NRXN3: variants seen among roughly 807,000 people sequenced by gnomAD.
NRXN3 encodes neurexin III.
A neutral mutation model predicts 137.6 loss-of-function variants in NRXN3; 32 were observed. The observed-to-expected ratio is 0.23, with a 90% confidence interval of 0.18 to 0.31. The LOEUF (loss-of-function observed/expected upper bound fraction) is 0.31, where lower values mean the gene tolerates loss of function less well. NRXN3 is among the 10% of genes least tolerant of loss of function. The probability of loss-of-function intolerance (pLI) is 1.00; values close to 1 mark genes in which losing one functional copy is unlikely to be tolerated. For missense variants in NRXN3, 1,574 were observed against 2,062.5 expected (o/e 0.76, Z 4.59); for synonymous variants, 798 against 784.5 (o/e 1.02, Z -0.29).
intron 15 of NRXN3, among the ~76,000 whole-genome samples, chr14:79,021,479 C>A (rs538497102): frequency 3.8e-4 from 58 of 152,232 alleles, no homozygotes; most frequent in African/African-American, 1.3e-3. Flanking sequence ...ATGGTCTCTT[C>A]AAAAAATCCA....
intron 15 of NRXN3, among the ~76,000 whole-genome samples, chr14:79,423,817 G>A (rs549559029): frequency 6.2e-4 from 94 of 152,348 alleles, no homozygotes; most frequent in African/African-American, 2.2e-3. Context: ...CACTGGCTCA[G>A]AGGAGACACA....
intron 1 of NRXN3, among the ~76,000 whole-genome samples, chr14:78,185,150 G>A (rs2060129653): frequency 6.6e-6 from 1 of 152,184 alleles, no homozygotes; most frequent in East Asian, 1.9e-4. Context: ...TAGGAATACA[G>A]AGAAGAGTAA....
intron 20 of NRXN3, among the ~76,000 whole-genome samples, chr14:79,821,514 GT>G (rs1164940988): frequency 6.6e-6 from 1 of 152,088 alleles, no homozygotes. Flanking sequence ...GACACACAGT[GT>G]TTTTTATTCT....
intron 16 of NRXN3, among the ~76,000 whole-genome samples, chr14:79,519,792 A>T (rs1362784944): frequency 6.7e-6 from 1 of 149,086 alleles, no homozygotes; most frequent in African/African-American, 2.5e-5. Flanking sequence ...TTTTTGAAAA[A>T]GTTGCAGTTT....
chr14:79,001,743 G>T (rs893070082), intron 15 of NRXN3, among the ~76,000 whole-genome samples: 1 of 152,178 alleles, frequency 6.6e-6, no homozygotes, highest in South Asian at 2.1e-4. Flanking sequence ...GAGAGTAAAA[G>T]GTCAGTTCAA....
chr14:79,134,963 A>T (rs780513051), intron 15 of NRXN3, among the ~76,000 whole-genome samples: 6 of 152,206 alleles, frequency 3.9e-5, no homozygotes, highest in African/African-American at 1.2e-4. Flanking sequence ...CTGCTGACCA[A>T]GGTTAGAACT....
chr14:79,661,990 G>T (rs1055894365), intron 16 of NRXN3, among the ~76,000 whole-genome samples: 1 of 152,096 alleles, frequency 6.6e-6, no homozygotes, highest in Non-Finnish European at 1.5e-5. Context: ...CCTCCATGTT[G>T]TTCTCATGAT....
intron 10 of NRXN3, among the ~76,000 whole-genome samples, chr14:78,814,820 T>C (rs2098926759): frequency 6.6e-6 from 1 of 152,168 alleles, no homozygotes; most frequent in South Asian, 2.1e-4. Flanking sequence ...TCTTTGACCT[T>C]GTCTGATTGT....
At chr14:78,610,883 T>G (rs192803548) in intron 4 of NRXN3, among the ~76,000 whole-genome samples, 1 of 152,218 alleles carries the variant, frequency 6.6e-6, no homozygotes, top group African/African-American at 2.4e-5. Context: ...ATCTGCTGCA[T>G]AGGACCACTG....
At chr14:78,891,204 T>C (rs974418053) in intron 10 of NRXN3, among the ~76,000 whole-genome samples, 9 of 152,000 alleles carry the variant, frequency 5.9e-5, no homozygotes, top group Middle Eastern at 3.4e-3. Flanking sequence ...AGCTTCTTGG[T>C]TGGGCCAAGT....
chr14:78,628,094 A>C, intron 4 of NRXN3, among the ~76,000 whole-genome samples: 1 of 148,764 alleles, frequency 6.7e-6, no homozygotes. Context: ...TTTTTAAGAG[A>C]CCAAATCTTA....
At chr14:78,586,137 CTGT>C (rs759193257) in intron 4 of NRXN3, among the ~76,000 whole-genome samples, 5 of 152,198 alleles carry the variant, frequency 3.3e-5, no homozygotes, top group Non-Finnish European at 7.3e-5. Context: ...TTGTCTGTGG[CTGT>C]TGTTGAGCTA....
chr14:78,366,100 G>A (rs1241072673), intron 4 of NRXN3, among the ~76,000 whole-genome samples: 3 of 152,166 alleles, frequency 2.0e-5, no homozygotes, highest in African/African-American at 7.2e-5. Flanking sequence ...GATAATGATA[G>A]TGCTTATCAC....
intron 4 of NRXN3, among the ~76,000 whole-genome samples, chr14:78,566,866 A>G (rs1482844017): frequency 6.6e-6 from 1 of 152,178 alleles, no homozygotes; most frequent in Non-Finnish European, 1.5e-5. Context: ...CAGAGGAAGG[A>G]AGGACAATTC....
chr14:79,459,542 A>T (rs950556912), intron 15 of NRXN3, among the ~76,000 whole-genome samples: 1 of 152,008 alleles, frequency 6.6e-6, no homozygotes, highest in Admixed American at 6.6e-5. Flanking sequence ...TAACACTTTG[A>T]TCTTGAAATT....
At chr14:79,288,021 A>G (rs910628936) in intron 15 of NRXN3, among the ~76,000 whole-genome samples, 2 of 152,210 alleles carry the variant, frequency 1.3e-5, no homozygotes, top group African/African-American at 4.8e-5. Context: ...TCTGATTTGT[A>G]TGTCTTTAAA....
intron 20 of NRXN3, among the ~76,000 whole-genome samples, chr14:79,809,776 C>G (rs1205747692): frequency 1.3e-5 from 2 of 152,202 alleles, no homozygotes; most frequent in Non-Finnish European, 2.9e-5. Context: ...AACTGCACTT[C>G]TATTAATCTT....
At chr14:79,188,794 C>T (rs933360170) in intron 15 of NRXN3, among the ~76,000 whole-genome samples, 1 of 152,118 alleles carries the variant, frequency 6.6e-6, no homozygotes, top group Non-Finnish European at 1.5e-5. Flanking sequence ...AAGTGCTCAC[C>T]ATCACTGGCC....
At chr14:79,083,361 T>C (rs1176689694) in intron 15 of NRXN3, among the ~76,000 whole-genome samples, 1 of 152,168 alleles carries the variant, frequency 6.6e-6, no homozygotes, top group Admixed American at 6.5e-5. Context: ...AAGCAATGGG[T>C]CTTGTACATT....
Sources: gnomAD v4.1 joint callset for allele counts (sites outside exome capture counted in the v4.1 genomes callset) on GRCh38, gnomAD v4.1.1 for gene constraint, MANE v1.5 for transcripts, NCBI Gene and HGNC (gene_info 2026-07-23, HGNC 2026-07-21) for gene names.